The following FAIM2 variants were observed in gnomAD, a reference collection of about 807,000 sequenced individuals.
The protein encoded by FAIM2 is protein lifeguard 2.
FAIM2 carries 27 observed loss-of-function variants against 47.4 expected under a neutral mutation model. The ratio of observed to expected loss-of-function variants is 0.57; its 90% confidence interval spans 0.42 to 0.78. The LOEUF is 0.78. Ranked by LOEUF, FAIM2 falls within the 30% of genes least tolerant of loss-of-function variation. The pLI is 0.00. For missense variants in FAIM2, 311 were observed against 389.4 expected (o/e 0.80, Z 1.69); for synonymous variants, 156 against 159.3 (o/e 0.98, Z 0.16).
chr12:49,884,004 CT>C, intron 11 of FAIM2, among the ~76,000 whole-genome samples: 1 of 151,870 alleles, frequency 6.6e-6, no homozygotes, highest in Non-Finnish European at 1.5e-5. Context: ...GGCGGATCAT[CT>C]GAGGTCAGGA....
chr12:49,887,114 AG>A (rs1358111956), intron 11 of FAIM2, among the ~76,000 whole-genome samples: 1 of 152,038 alleles, frequency 6.6e-6, no homozygotes, highest in Non-Finnish European at 1.5e-5. Context: ...CCCTGGAGGA[AG>A]GGATGCCTCT....
intron 1 of FAIM2, among the ~76,000 whole-genome samples, chr12:49,903,512 A>T (rs1179850331): frequency 6.6e-6 from 1 of 152,192 alleles, no homozygotes; most frequent in African/African-American, 2.4e-5. Context: ...GGGCCTGGGT[A>T]TCTGTGAGGA....
intron 11 of FAIM2, among the ~76,000 whole-genome samples, chr12:49,879,441 TA>T (rs1240032215): frequency 1.2e-5 from 1 of 84,570 alleles, no homozygotes; most frequent in Non-Finnish European, 2.2e-5. Context: ...TGTGCATGTG[TA>T]TATGTGTGTG....
At position 49,878,310 on chromosome 12, in the gene FAIM2, G is replaced by A. The variant is rs1487880908; in HGVS notation, c.802-7657C>T. Reference sequence around the variant, plus strand: ...TGTGAGTGTATGGGTGTATGTGCATGCGTGTATATGTGTATTTGTGTGCAT... The same window carrying A: ...TGTGAGTGTATGGGTGTATGTGCATACGTGTATATGTGTATTTGTGTGCAT... On this transcript the variant is annotated intron_variant, in intron 11 of 11. Coordinates refer to ENST00000320634, the MANE Select transcript of FAIM2 (RefSeq NM_012306.4). Among the ~76,000 whole-genome samples the A allele has an allele frequency of 3.0e-5, 4 of 135,490 alleles. 1 individual carries two copies. The highest frequency in any genetic ancestry group is 6.2e-5 in the Non-Finnish European group (4 of 64,120). 88.9% of individuals were successfully genotyped at this position (135,490 alleles called of 152,430 possible). A position where few individuals can be genotyped will look rare whatever the true frequency, so the allele number is the denominator to read the frequency against.
rs776837734 is a variant in FAIM2, at chr12:49,897,538, C to A, written c.361G>T (p.Val121Leu). 1.2e-6 allele frequency: 2 copies of A among 1,614,032 alleles called. No homozygotes were observed. Among genetic ancestry groups the A allele is most frequent in the Non-Finnish European group, 1.7e-6 (2 of 1,180,018 alleles). Reference sequence around the variant, plus strand: ...ACTCACCAGAAAGTAAAGAGAGCCACGACAGCCAAGGTCACCAGCAGCTGA... The same window carrying A: ...ACTCACCAGAAAGTAAAGAGAGCCAAGACAGCCAAGGTCACCAGCAGCTGA... ...LIQLLVTLAV[V>L]ALFTFCDPVK... Residue 121 changes from valine (V) to leucine (L), a missense_variant, in exon 4 of 12, where the codon GTG becomes TTG. Physicochemically the swap from Val to Leu is conservative, Grantham distance 32. Transcript: ENST00000320634.
chr12:49,889,229 C>T (rs1191779516), intron 9 of FAIM2, 27 bp from the exon 10 acceptor site: 1 of 1,571,644 alleles, frequency 6.4e-7, no homozygotes. Flanking sequence ...GGGTTAGCTG[C>T]AGGAGCGGCC....
rs1000129814 is a variant in FAIM2 at position 49,867,472 on chromosome 12, G to A, written c.*3032C>T. 2.0e-5 allele frequency: 3 copies of A among 152,314 alleles called. No individual in the cohort carries two copies. The highest frequency in any genetic ancestry group is 1.3e-4 in the Admixed American group (2 of 15,296). The allele number at this position is 152,314 out of a possible 1,614,324, so 9.4% of individuals were successfully genotyped here. ...TAGGGAATGGAAGAACTAAGATTCCGGGGCTTCCCCAGGTGATACCGAAGG... is the reference window on the plus strand; with the variant it reads ...TAGGGAATGGAAGAACTAAGATTCCAGGGCTTCCCCAGGTGATACCGAAGG... On this transcript the variant is annotated 3_prime_UTR_variant, in exon 12 of 12. Transcript: ENST00000320634.
At chr12:49,880,736 A>G (rs864478) in intron 11 of FAIM2, among the ~76,000 whole-genome samples, 19,585 of 133,116 alleles carry the variant, frequency 0.15, 1,347 homozygotes, top group African/African-American at 0.2. Flanking sequence ...GTGTGTGTGT[A>G]TGTGTGCATG....
Position 49,879,886 on chromosome 12 carries a change from G to A in FAIM2, c.801+7500C>T, listed in dbSNP as rs1592786903. 5.9e-5 allele frequency among the ~76,000 whole-genome samples: 7 copies of A among 119,408 alleles called. No individual in the cohort carries two copies. In the South Asian group the frequency reaches 1.6e-3, roughly 27 times the overall value. The allele number at this position is 119,408 out of a possible 152,430, so 78.3% of individuals were successfully genotyped here. ...TGTATATGTACGTGTATGTGTATGTGTGCATGTGTATGTGCATGTGTATAT... is the reference window on the plus strand; with the variant it reads ...TGTATATGTACGTGTATGTGTATGTATGCATGTGTATGTGCATGTGTATAT... On this transcript the variant is annotated intron_variant, in intron 11 of 11. Coordinates refer to ENST00000320634, the MANE Select transcript of FAIM2 (RefSeq NM_012306.4).
intron 1 of FAIM2, among the ~76,000 whole-genome samples, chr12:49,903,174 G>A (rs1486259729): frequency 6.6e-6 from 1 of 152,198 alleles, no homozygotes; most frequent in Non-Finnish European, 1.5e-5. Flanking sequence ...GCCTAAAACT[G>A]GAGAAGAGAT....
At chr12:49,892,949 T>C (rs1188732475) in intron 5 of FAIM2, among the ~76,000 whole-genome samples, 1 of 152,144 alleles carries the variant, frequency 6.6e-6, no homozygotes, top group Non-Finnish European at 1.5e-5. Flanking sequence ...GACCTCAGCA[T>C]CATCCTTAAC....
At chr12:49,897,749 T>C in intron 3 of FAIM2, 166 bp from the exon 4 acceptor site, 1 of 641,784 alleles carries the variant, frequency 1.6e-6, no homozygotes, top group East Asian at 2.8e-5. Flanking sequence ...GCAAAGATGC[T>C]GCAGAGCCAA....
Position 49,890,100 on chromosome 12 carries a change from C to T in FAIM2, c.563+17G>A, listed in dbSNP as rs769625414. 2 of 1,613,278 alleles carry T rather than the reference C, an allele frequency of 1.2e-6. No individual in the cohort carries two copies. The highest frequency in any genetic ancestry group is 2.7e-5 in the African/African-American group (2 of 74,896). ...CCTGGCCTATGGTCCTTCTCTCCTT[C>T]CACCTGTTCCCTTTACCTGGACAGC... On this transcript the variant is annotated intron_variant, in intron 8 of 11. Coordinates refer to ENST00000320634, the MANE Select transcript of FAIM2 (RefSeq NM_012306.4).
chr12:49,897,870 G>T, intron 3 of FAIM2, 117 bp downstream of exon 3: 1 of 784,748 alleles, frequency 1.3e-6, no homozygotes. Context: ...CTGTCAGCTG[G>T]GATCACAAGA....
chr12:49,880,192 ATG>A lies in FAIM2; in HGVS notation c.801+7192_801+7193del, dbSNP rs1317604406. Among the ~76,000 whole-genome samples the A allele has an allele frequency of 6.3e-3, 427 of 67,942 alleles. 2 individuals are homozygous for A. The highest frequency in any genetic ancestry group is 9.5e-3 in the African/African-American group (139 of 14,654). The allele number at this position is 67,942 out of a possible 152,430, so 44.6% of individuals were successfully genotyped here. ...TATGTGTGTGTATGCATGTGTGTAT[ATG>A]TGCATGTGTGTGTGCATGTGTGTAT... On this transcript the variant is annotated intron_variant, in intron 11 of 11. Transcript: ENST00000320634.
At chr12:49,886,647 T>C (rs11169199) in intron 11 of FAIM2, among the ~76,000 whole-genome samples, 42,777 of 151,786 alleles carry the variant, frequency 0.28, 7,542 homozygotes, top group Non-Finnish European at 0.38. Flanking sequence ...GCTAATTTTT[T>C]TTGTATTTTT....
At chr12:49,879,536 A>G (rs988526697) in intron 11 of FAIM2, among the ~76,000 whole-genome samples, 1 of 143,476 alleles carries the variant, frequency 7.0e-6, no homozygotes, top group African/African-American at 2.6e-5. Flanking sequence ...ATGTGTATAT[A>G]TGTGAGTGTA....
chr12:49,891,210 C>T, intron 5 of FAIM2, 96 bp from the exon 6 acceptor site: 2 of 1,166,798 alleles, frequency 1.7e-6, no homozygotes, highest in Non-Finnish European at 1.3e-6. Flanking sequence ...CCCCCACCCA[C>T]AGGGCAGCCA....
chr12:49,893,287 T>C (rs974620349), intron 5 of FAIM2, among the ~76,000 whole-genome samples: 3 of 147,524 alleles, frequency 2.0e-5, no homozygotes, highest in African/African-American at 7.4e-5. Context: ...CATCACAACC[T>C]GCTGTGCTCC....
Sources: allele counts gnomAD v4.1 joint callset (sites outside exome capture counted in the v4.1 genomes callset), GRCh38; gene constraint gnomAD v4.1.1; transcripts MANE v1.5; gene names NCBI Gene and HGNC (gene_info 2026-07-23, HGNC 2026-07-21).